The following NKAIN2 variants were observed in gnomAD, a reference collection of about 807,000 sequenced individuals.
NKAIN2 encodes the protein sodium/potassium-transporting ATPase subunit beta-1-interacting protein 2.
A neutral mutation model predicts 32.6 loss-of-function variants in NKAIN2; 14 were observed. That is an observed-to-expected ratio of 0.43 (90% CI 0.28 to 0.67). The LOEUF (loss-of-function observed/expected upper bound fraction) is 0.67, where lower values mean the gene tolerates loss of function less well. NKAIN2 is among the 30% of genes least tolerant of loss of function. NKAIN2 has a pLI of 0.17. For missense variants in NKAIN2, 198 were observed against 258.3 expected (o/e 0.77, Z 1.60); for synonymous variants, 80 against 87.2 (o/e 0.92, Z 0.46).
intron 1 of NKAIN2, among the ~76,000 whole-genome samples, chr6:123,999,123 G>T (rs1779771304): frequency 2.0e-5 from 3 of 152,002 alleles, no homozygotes; most frequent in African/African-American, 7.2e-5. Flanking sequence ...AACTTACAGA[G>T]GGTTGGTTTC....
At chr6:124,714,785 CAGG>C (rs1401979900) in intron 4 of NKAIN2, among the ~76,000 whole-genome samples, 1 of 152,198 alleles carries the variant, frequency 6.6e-6, no homozygotes, top group Non-Finnish European at 1.5e-5. Context: ...AAGCATCTGA[CAGG>C]AGATCAGAGT....
Position 123,907,431 on chromosome 6 carries a change from A to T in NKAIN2, c.54+103177A>T, listed in dbSNP as rs578198177. On this transcript the variant is annotated intron_variant, in intron 1 of 6. Transcript: ENST00000368417. ...TCCCTTAGTAATAATCTAGCCCATC[A>T]TCTTTATTTTACAGGTGAGGAAATT... 2.6e-5 allele frequency among the ~76,000 whole-genome samples: 4 copies of T among 152,290 alleles called. No homozygotes were observed. In the South Asian group the frequency reaches 8.3e-4, roughly 32 times the overall value.
chr6:124,229,280 G>A (rs1792296878), intron 1 of NKAIN2, among the ~76,000 whole-genome samples: 1 of 152,124 alleles, frequency 6.6e-6, no homozygotes, highest in Admixed American at 6.6e-5. Context: ...GTGGCAGGTA[G>A]CTACTAAGTA....
intron 1 of NKAIN2, among the ~76,000 whole-genome samples, chr6:124,020,693 C>T (rs1412970859): frequency 6.6e-6 from 1 of 152,022 alleles, no homozygotes; most frequent in African/African-American, 2.4e-5. Context: ...GTTCTGAATA[C>T]TCATTGTACC....
At chr6:123,904,694 T>C (rs530839111) in intron 1 of NKAIN2, among the ~76,000 whole-genome samples, 1 of 152,342 alleles carries the variant, frequency 6.6e-6, no homozygotes, top group Admixed American at 6.5e-5. Flanking sequence ...ATGAACCTGA[T>C]ACATACTTGT....
intron 1 of NKAIN2, among the ~76,000 whole-genome samples, chr6:123,847,416 C>T (rs1227733203): frequency 6.6e-6 from 1 of 152,154 alleles, no homozygotes; most frequent in Non-Finnish European, 1.5e-5. Context: ...TTTGATTCAT[C>T]AAACCAAGTG....
intron 3 of NKAIN2, among the ~76,000 whole-genome samples, chr6:124,406,013 G>GGGGTGTGTGTGTGTGTGTGTGTGT (rs1773841989): frequency 1.3e-5 from 2 of 148,460 alleles, no homozygotes; most frequent in Non-Finnish European, 3.0e-5. Context: ...TTACCACCAC[G>GGGGTGTGTGTGTGTGTGTGTGTGT]GTGTGTGTGT....
chr6:124,045,012 G>A (rs1392777569), intron 1 of NKAIN2, among the ~76,000 whole-genome samples: 1 of 151,956 alleles, frequency 6.6e-6, no homozygotes, highest in Non-Finnish European at 1.5e-5. Context: ...AAGAGTAGAA[G>A]CTTTGCCTTT....
intron 2 of NKAIN2, among the ~76,000 whole-genome samples, chr6:124,352,038 T>C (rs1485901897): frequency 6.6e-6 from 1 of 152,166 alleles, no homozygotes; most frequent in Non-Finnish European, 1.5e-5. Flanking sequence ...ATCATTCCAT[T>C]CCCATACAAG....
intron 3 of NKAIN2, among the ~76,000 whole-genome samples, chr6:124,615,336 T>C (rs1782846020): frequency 6.6e-6 from 1 of 152,344 alleles, no homozygotes; most frequent in Non-Finnish European, 1.5e-5. Context: ...AATATTTGAT[T>C]TGTAGTTTGA....
chr6:124,434,867 T>C (rs1432727826), intron 3 of NKAIN2, among the ~76,000 whole-genome samples: 1 of 152,170 alleles, frequency 6.6e-6, no homozygotes, highest in African/African-American at 2.4e-5. Flanking sequence ...GAGTTAAGTA[T>C]GCAAAAGATG....
chr6:124,701,308 CAA>C, intron 4 of NKAIN2, among the ~76,000 whole-genome samples: 1 of 152,070 alleles, frequency 6.6e-6, no homozygotes, highest in East Asian at 1.9e-4. Flanking sequence ...TGTGATCTTT[CAA>C]AGTCTTTCTT....
At chr6:123,936,953 A>G (rs2114538494) in intron 1 of NKAIN2, among the ~76,000 whole-genome samples, 1 of 152,254 alleles carries the variant, frequency 6.6e-6, no homozygotes, top group South Asian at 2.1e-4. Context: ...TCTGGCCATA[A>G]GTAAAAACTG....
chr6:124,134,671 G>A (rs1786645690), intron 1 of NKAIN2, among the ~76,000 whole-genome samples: 1 of 152,096 alleles, frequency 6.6e-6, no homozygotes, highest in Admixed American at 6.5e-5. Context: ...GCAACAGAGC[G>A]AGACTCCATC....
intron 1 of NKAIN2, among the ~76,000 whole-genome samples, chr6:124,000,852 T>C (rs1434203904): frequency 1.3e-5 from 2 of 152,086 alleles, no homozygotes; most frequent in Admixed American, 6.6e-5. Context: ...AGTGCCATTA[T>C]TGTAAGTGTC....
intron 1 of NKAIN2, among the ~76,000 whole-genome samples, chr6:124,169,043 A>G (rs921207494): frequency 3.3e-5 from 5 of 152,112 alleles, no homozygotes; most frequent in African/African-American, 1.2e-4. Context: ...AGTATTTCTC[A>G]TGTTCAATAT....
intron 1 of NKAIN2, among the ~76,000 whole-genome samples, chr6:124,281,301 G>A (rs1284848285): frequency 1.3e-5 from 2 of 152,170 alleles, no homozygotes; most frequent in African/African-American, 2.4e-5. Flanking sequence ...TAGCAATCAT[G>A]TTCTCAGAAC....
intron 2 of NKAIN2, among the ~76,000 whole-genome samples, chr6:124,325,976 T>C (rs916108080): frequency 8.5e-5 from 13 of 152,108 alleles, no homozygotes; most frequent in African/African-American, 3.1e-4. Flanking sequence ...AATTAGAGTT[T>C]ATATATTTTT....
intron 4 of NKAIN2, among the ~76,000 whole-genome samples, chr6:124,691,324 C>T (rs1446751603): frequency 6.6e-6 from 1 of 152,112 alleles, no homozygotes; most frequent in Non-Finnish European, 1.5e-5. Context: ...TTCCATTTAA[C>T]CTCACTACTC....
Sources: allele counts gnomAD v4.1 joint callset (sites outside exome capture counted in the v4.1 genomes callset), GRCh38; gene constraint gnomAD v4.1.1; transcripts MANE v1.5; gene names NCBI Gene and HGNC (gene_info 2026-07-23, HGNC 2026-07-21).